The following CCDC171 variants were observed in gnomAD, a reference collection of about 807,000 sequenced individuals.
CCDC171 encodes the protein coiled-coil domain containing 171, also known as coiled-coil domain-containing protein 171.
Under a neutral mutation model 168.2 loss-of-function variants are expected in CCDC171, and 177 were observed. The ratio of observed to expected loss-of-function variants is 1.05; its 90% CI spans 0.93 to 1.19. The LOEUF is 1.19. Among genes scored for constraint, CCDC171 ranks in the 50% most tolerant of loss-of-function variants. CCDC171 has a pLI of 0.00. For synonymous variants in CCDC171, 687 were observed against 540.8 expected, an observed-to-expected ratio of 1.27 and a Z score of -3.75; for missense variants, 1,991 against 1,539.0, an observed-to-expected ratio of 1.29 and a Z score of -4.91.
intron 11 of CCDC171, 99 bp downstream of exon 11, chr9:15,695,436 A>G: frequency 2.3e-6 from 2 of 854,336 alleles, no homozygotes; most frequent in Non-Finnish European, 4.0e-6. Flanking sequence ...CCTCATCTCA[A>G]CATGTTTTGA....
At chr9:15,869,844 G>C (rs916413683) in intron 23 of CCDC171, among the ~76,000 whole-genome samples, 1 of 151,684 alleles carries the variant, frequency 6.6e-6, no homozygotes, top group East Asian at 1.9e-4. Context: ...CTGTATTGGC[G>C]ATATAAACTT....
intron 6 of CCDC171, among the ~76,000 whole-genome samples, chr9:15,619,005 G>A (rs534162714): frequency 1.1e-4 from 16 of 152,172 alleles, no homozygotes; most frequent in African/African-American, 3.1e-4. Flanking sequence ...TACTGCTATT[G>A]TAATTGTTTT....
chr9:15,831,004 C>T (rs573047754), intron 21 of CCDC171, among the ~76,000 whole-genome samples: 1 of 125,784 alleles, frequency 8.0e-6, no homozygotes. Flanking sequence ...GATTCTCGCT[C>T]TGCCGCCCAG....
intron 6 of CCDC171, among the ~76,000 whole-genome samples, chr9:15,597,216 C>A (rs1368450284): frequency 6.6e-6 from 1 of 152,072 alleles, no homozygotes; most frequent in Non-Finnish European, 1.5e-5. Flanking sequence ...GCATCCCTGT[C>A]TTGTGCCAGT....
chr9:16,065,036 TC>T (rs1833976494), downstream of CCDC171, among the ~76,000 whole-genome samples: 1 of 152,172 alleles, frequency 6.6e-6, no homozygotes, highest in Admixed American at 6.5e-5. Flanking sequence ...TGGTGTTAAT[TC>T]AATTTGAGTG....
rs139035484 is a variant in CCDC171, at chr9:15,947,439, A to G, written c.3754-24170A>G. Among the ~76,000 whole-genome samples the G allele has an allele frequency of 2.6e-4, 40 of 152,142 alleles. 3 individuals are homozygous for G. In the East Asian group the frequency reaches 7.0e-3, roughly 27 times the overall value. On this transcript the variant is annotated intron_variant, in intron 25 of 25. Transcript: ENST00000380701. ...ACGACTCTAAGTATTTCATATAAGT[A>G]GAATTCTACAGTATTTGTCTTTTCG... is the stretch of plus-strand genomic sequence containing the variant.
chr9:16,102,357 G>C, the CCDC171 span, among the ~76,000 whole-genome samples: 1 of 152,122 alleles, frequency 6.6e-6, no homozygotes, highest in African/African-American at 2.4e-5. Context: ...GATTGCGGGG[G>C]ATGAGCTTGT....
intron 7 of CCDC171, among the ~76,000 whole-genome samples, chr9:15,633,464 T>C (rs1046194894): frequency 8.6e-5 from 13 of 152,028 alleles, no homozygotes; most frequent in Admixed American, 2.6e-4. Flanking sequence ...CAAATCAAAA[T>C]CACAATGAGA....
chr9:15,684,783 A>G (rs1054738952), intron 10 of CCDC171, among the ~76,000 whole-genome samples: 1 of 152,128 alleles, frequency 6.6e-6, no homozygotes, highest in East Asian at 1.9e-4. Context: ...GGTTAAAGAT[A>G]TTTTTTAACC....
chr9:15,993,021 A>G (rs1832250425), intron 3 of CCDC171, among the ~76,000 whole-genome samples: 2 of 152,216 alleles, frequency 1.3e-5, no homozygotes, highest in Admixed American at 6.5e-5. Flanking sequence ...CATACTTCCC[A>G]AGGTAATTTA....
chr9:16,054,758 A>C (rs1833807168), intron 1 of CCDC171, among the ~76,000 whole-genome samples: 1 of 152,198 alleles, frequency 6.6e-6, no homozygotes, highest in Admixed American at 6.5e-5. Flanking sequence ...TGCAGGTCAG[A>C]GCTTCTCAGG....
At chr9:15,583,513 G>C (rs945357823) in intron 4 of CCDC171, among the ~76,000 whole-genome samples, 7 of 152,106 alleles carry the variant, frequency 4.6e-5, no homozygotes, top group African/African-American at 1.4e-4. Context: ...GATGGAGCTG[G>C]AGGCCATTAT....
At chr9:15,660,356 G>A (rs528861869) in intron 8 of CCDC171, among the ~76,000 whole-genome samples, 63 of 152,174 alleles carry the variant, frequency 4.1e-4, no homozygotes, top group African/African-American at 1.5e-3. Context: ...GGGTACATGT[G>A]TAGTTTGTTA....
chr9:15,648,910 A>G lies in CCDC171; in HGVS notation c.823-8217A>G, dbSNP rs953215050. Among the ~76,000 whole-genome samples the G allele has an allele frequency of 2.0e-5, 3 of 152,214 alleles. No individual in the cohort carries two copies. The East Asian group carries it at 5.8e-4, about 29-fold the overall frequency. ...TGGAAAAAACTACTTTGAAGTTCAT[A>G]TGAAACCAGAAAAGAGACCGCATTG... On this transcript the variant is annotated intron_variant, in intron 7 of 25. Coordinates refer to ENST00000380701, the MANE Select transcript of CCDC171 (RefSeq NM_173550.4).
downstream of CCDC171, among the ~76,000 whole-genome samples, chr9:16,064,535 A>G (rs1486395329): frequency 6.6e-6 from 1 of 152,176 alleles, no homozygotes; most frequent in Non-Finnish European, 1.5e-5. Context: ...TGCCAGGGAC[A>G]CTTTTGGCTG....
chr9:15,565,342 A>G (rs1189342258), intron 2 of CCDC171, among the ~76,000 whole-genome samples: 1 of 152,070 alleles, frequency 6.6e-6, no homozygotes, highest in Non-Finnish European at 1.5e-5. Flanking sequence ...TACCACATCA[A>G]TGTATCAAAG....
At chr9:15,988,721 C>T (rs1347662039) in intron 3 of CCDC171, among the ~76,000 whole-genome samples, 4 of 152,224 alleles carry the variant, frequency 2.6e-5, no homozygotes, top group African/African-American at 9.6e-5. Flanking sequence ...AATCGGGTCA[C>T]TCCCACCCTA....
At chr9:16,105,207 TA>T in the CCDC171 span, among the ~76,000 whole-genome samples, 1 of 152,214 alleles carries the variant, frequency 6.6e-6, no homozygotes, top group Non-Finnish European at 1.5e-5. Context: ...TAATGGATAT[TA>T]ATCTTTCCCT....
rs1164969967 is a variant in CCDC171 at position 15,784,648 on chromosome 9, C to A, written c.3221C>A (p.Ser1074Tyr). The change falls in exon 21 of 26, where the codon TCC becomes TAC. Residue 1074 changes from serine (S) to tyrosine (Y), a missense_variant. Physicochemically the swap from Ser to Tyr is moderately radical, Grantham distance 144 (BLOSUM62 -2). Transcript: ENST00000380701. Reference sequence around the variant, plus strand: ...TTGAATTATAAACTTGAATTGCACTCCAGTGAGGAAGCTGACAAAAACCAA... The same window carrying A: ...TTGAATTATAAACTTGAATTGCACTACAGTGAGGAAGCTGACAAAAACCAA... ...QELNYKLELH[S>Y]SEEADKNQTL... The A allele has an allele frequency of 6.2e-7, 1 of 1,613,066 alleles. No homozygotes were observed. The highest frequency in any genetic ancestry group is 8.5e-7 in the Non-Finnish European group (1 of 1,179,460).
Sources: gnomAD v4.1 joint callset for allele counts (sites outside exome capture counted in the v4.1 genomes callset) on GRCh38, gnomAD v4.1.1 for gene constraint, MANE v1.5 for transcripts, NCBI Gene and HGNC (gene_info 2026-07-23, HGNC 2026-07-21) for gene names.